Variants in ISCU observed in about 807,000 individuals in gnomAD.
ISCU encodes the protein iron-sulfur cluster assembly enzyme ISCU.
In ISCU, 13 loss-of-function variants were observed where a neutral mutation model predicts 18.4. The observed-to-expected ratio is 0.71, with a 90% CI of 0.46 to 1.12. The LOEUF (loss-of-function observed/expected upper bound fraction) is 1.12. ISCU is among the 50% of genes most tolerant of loss of function. The pLI, the probability that ISCU is intolerant of heterozygous loss-of-function variation, is 0.00. For synonymous variants in ISCU, 104 were observed against 87.5 expected (o/e 1.19, Z -1.06); for missense variants, 229 against 208.7 (o/e 1.10, Z -0.60).
intron 2 of ISCU, chr12:108,564,900 A>C (rs1240430485): frequency 1.1e-5 from 3 of 262,200 alleles, no homozygotes; most frequent in Non-Finnish European, 2.2e-5. Context: ...ATACAGAAAC[A>C]AAACAGGAGG....
At position 108,564,013 on chromosome 12, in the gene ISCU, A is replaced by C. The variant is rs758572255; in HGVS notation, c.115-266A>C. ...GTGAAAGTCAAGTATTTTTGTAAAAATCCTATGGAACTAAGACATGATTTC... is the reference window on the plus strand; with the variant it reads ...GTGAAAGTCAAGTATTTTTGTAAAACTCCTATGGAACTAAGACATGATTTC... On this transcript the variant is annotated intron_variant, in intron 1 of 4. Coordinates refer to ENST00000311893, the MANE Select transcript of ISCU (RefSeq NM_213595.4). 13 of 1,285,514 alleles carry C rather than the reference A, an allele frequency of 1.0e-5. No individual in the cohort carries two copies. In the East Asian group the frequency reaches 2.8e-4, roughly 27 times the overall value. 79.6% of individuals were successfully genotyped at this position (1,285,514 alleles called of 1,614,324 possible). A position where few individuals can be genotyped will look rare whatever the true frequency, so the allele number is the denominator to read the frequency against.
rs10083175 is a variant in ISCU at position 108,564,663 on chromosome 12, T to C, written c.228+271T>C. Among the ~76,000 whole-genome samples, 120,086 of 152,190 alleles carry C rather than the reference T, an allele frequency of 0.79. 47,976 individuals carry two copies. Among genetic ancestry groups the C allele is most frequent in the East Asian group, 0.92 (4,787 of 5,192 alleles). ...GTACTCACTGTATCAGTTTAAATTC[T>C]GACTTCAGCCAACTAAAGAGTTTTG... On this transcript the variant is annotated intron_variant, in intron 2 of 4. Coordinates refer to ENST00000311893, the MANE Select transcript of ISCU (RefSeq NM_213595.4).
intron 4 of ISCU, 98 bp downstream of exon 4, chr12:108,567,366 A>T: frequency 9.9e-7 from 1 of 1,006,134 alleles, no homozygotes; most frequent in Non-Finnish European, 1.6e-6. Flanking sequence ...CCACGTTTGT[A>T]ACCCTCAGAA....
In ISCU at chr12:108,568,968, C is replaced by T; in HGVS notation, c.*52C>T. 1 of 1,478,418 alleles carries T rather than the reference C, an allele frequency of 6.8e-7. No individual in the cohort carries two copies. Among genetic ancestry groups the T allele is most frequent in the Non-Finnish European group, 9.3e-7 (1 of 1,070,146 alleles). The allele number at this position is 1,478,418 out of a possible 1,614,324, so 91.6% of individuals were successfully genotyped here. On this transcript the variant is annotated 3_prime_UTR_variant, in exon 5 of 5. Transcript: ENST00000311893. ...GGCCACACCAGCTGTTTCCCACCTG[C>T]TGTGCAGTCACCTTAGATGTTCAGA...
intron 4 of ISCU, 140 bp downstream of exon 4, chr12:108,567,408 C>G: frequency 1.3e-6 from 1 of 794,104 alleles, no homozygotes; most frequent in Admixed American, 2.0e-5. Context: ...TTATAACCTG[C>G]AGAGGGTTAG....
chr12:108,567,840 C>T (rs2030973697), intron 4 of ISCU: 4 of 1,499,244 alleles, frequency 2.7e-6, no homozygotes, highest in Non-Finnish European at 3.6e-6. Context: ...GCCCAGATGC[C>T]TTAAGACTTG....
At position 108,568,556 on chromosome 12, in the gene ISCU, T is replaced by C. The variant is rs2031006108; in HGVS notation, c.419-275T>C. The C allele has an allele frequency of 6.8e-6, 9 of 1,325,182 alleles. No individual in the cohort carries two copies. In the South Asian group the frequency reaches 1.1e-4, roughly 16 times the overall value. The allele number at this position is 1,325,182 out of a possible 1,614,324, so 82.1% of individuals were successfully genotyped here. On this transcript the variant is annotated intron_variant, in intron 4 of 4. Coordinates refer to ENST00000311893, the MANE Select transcript of ISCU (RefSeq NM_213595.4). ...GGCAAGAAAAGCATGATTATCCCAG[T>C]TCTATAGAAGAGAAAGTAGGGTCAA...
chr12:108,567,193 G>A lies in ISCU; in HGVS notation c.343G>A (p.Glu115Lys). The part of the protein sequence containing the change: ...ATEWVKGKTV[E>K]EALTIKNTDI... ...ATCTTTCCATTATGCCTCTCAGGTGGAGGAAGCCTTGACTATCAAAAACAC... is the reference window on the plus strand; with the variant it reads ...ATCTTTCCATTATGCCTCTCAGGTGAAGGAAGCCTTGACTATCAAAAACAC... The change falls in exon 4 of 5, where the codon GAG becomes AAG. Residue 115 changes from glutamate to lysine, a missense_variant. Coordinates refer to ENST00000311893, the MANE Select transcript of ISCU (RefSeq NM_213595.4). 6.2e-7 allele frequency: 1 copy of A among 1,613,256 alleles called. No individual in the cohort carries two copies. The highest frequency in any genetic ancestry group is 8.5e-7 in the Non-Finnish European group (1 of 1,179,376).
At chr12:108,567,522 A>C in intron 4 of ISCU, 1 of 790,690 alleles carries the variant, frequency 1.3e-6, no homozygotes, top group Non-Finnish European at 2.1e-6. Flanking sequence ...TAAACCTCAC[A>C]AATATCCTTG....
intron 1 of ISCU, chr12:108,564,077 A>C (rs376834334): frequency 3.1e-6 from 5 of 1,608,624 alleles, no homozygotes; most frequent in Non-Finnish European, 4.3e-6. Flanking sequence ...AAATCTGTGA[A>C]GTATTGTAGA....
chr12:108,564,677 T>C (rs950827346), intron 2 of ISCU, among the ~76,000 whole-genome samples: 9 of 152,236 alleles, frequency 5.9e-5, no homozygotes, highest in Non-Finnish European at 1.5e-5. Context: ...TTCAGCCAAC[T>C]AAAGAGTTTT....
rs2030988726 is a variant in ISCU, at chr12:108,568,147, T to C, written c.419-684T>C. The C allele has an allele frequency of 3.0e-6, 4 of 1,334,600 alleles. No homozygotes were observed. The South Asian group carries it at 8.7e-5, about 29-fold the overall frequency. The allele number at this position is 1,334,600 out of a possible 1,614,324, so 82.7% of individuals were successfully genotyped here. On this transcript the variant is annotated intron_variant, in intron 4 of 4. Transcript: ENST00000311893. Reference sequence around the variant, plus strand: ...GTACCCATAAAGAAAGGTCATCACTTGTAAACATTTTCACATGGTTTCAGG... The same window carrying C: ...GTACCCATAAAGAAAGGTCATCACTCGTAAACATTTTCACATGGTTTCAGG...
At chr12:108,567,687 ACT>A in intron 4 of ISCU, 1 of 1,535,898 alleles carries the variant, frequency 6.5e-7, no homozygotes, top group South Asian at 1.2e-5. Flanking sequence ...AGAGGAGAAA[ACT>A]CAGCTTTCGC....
intron 3 of ISCU, among the ~76,000 whole-genome samples, chr12:108,566,988 G>A (rs1370007628): frequency 1.3e-5 from 2 of 152,232 alleles, no homozygotes; most frequent in Non-Finnish European, 2.9e-5. Flanking sequence ...AGGCAGTGCA[G>A]CTGTGTATAC....
intron 4 of ISCU, chr12:108,568,576 G>C (rs1342612617): frequency 7.3e-7 from 1 of 1,365,696 alleles, no homozygotes; most frequent in Non-Finnish European, 9.5e-7. Flanking sequence ...GAGAAAGTAG[G>C]GTCAAAGAGG....
intron 3 of ISCU, among the ~76,000 whole-genome samples, chr12:108,566,687 C>G (rs2030912486): frequency 6.6e-6 from 1 of 152,218 alleles, no homozygotes; most frequent in South Asian, 2.1e-4. Context: ...GCAAAGGGGA[C>G]ACCAAAGAGA....
At chr12:108,566,119 C>T (rs952228609) in intron 3 of ISCU, among the ~76,000 whole-genome samples, 1 of 152,258 alleles carries the variant, frequency 6.6e-6, no homozygotes, top group Admixed American at 6.5e-5. Flanking sequence ...ATCTTTGCTG[C>T]CCCAAGGGAC....
intron 2 of ISCU, chr12:108,565,095 CA>C: frequency 1.7e-6 from 1 of 574,462 alleles, no homozygotes; most frequent in Non-Finnish European, 3.1e-6. Flanking sequence ...AGTGGAGGGA[CA>C]TATTTTTCAG....
rs749513691 is a variant in ISCU, at chr12:108,562,626, G to A, written c.4G>A (p.Ala2Thr). The change falls in exon 1 of 5, where the codon GCG becomes ACG. Residue 2 changes from alanine (A) to threonine (T), a missense_variant. Ala to Thr is a moderately conservative substitution (Grantham distance 58, BLOSUM62 0). Transcript: ENST00000311893. ...GGCGCAGGCGCAAGCCGGCAAGATG[G>A]CGGCGGCTGGGGCTTTCCGTCTGAG... M[A>T]AAGAFRLRRA... 10 of 1,468,230 alleles carry A rather than the reference G, an allele frequency of 6.8e-6. No individual in the cohort carries two copies. The highest frequency in any genetic ancestry group is 2.3e-5 in the Admixed American group (1 of 42,732). The allele number at this position is 1,468,230 out of a possible 1,614,324, so 91.0% of individuals were successfully genotyped here.
Sources: allele counts gnomAD v4.1 joint callset (sites outside exome capture counted in the v4.1 genomes callset), GRCh38; gene constraint gnomAD v4.1.1; transcripts MANE v1.5; gene names NCBI Gene and HGNC (gene_info 2026-07-23, HGNC 2026-07-21).